Variants in CTNNB1 observed in about 807,000 individuals in gnomAD.
CTNNB1 encodes catenin beta-1.
Under a neutral mutation model 82.5 loss-of-function variants are expected in CTNNB1, and 6 were observed. That is an observed-to-expected ratio of 0.07 (90% CI 0.04 to 0.14). The LOEUF is 0.14. Ranked by LOEUF, CTNNB1 falls within the 10% of genes least tolerant of loss-of-function variation. The pLI is 1.00. For missense variants in CTNNB1, 529 were observed against 980.4 expected, an observed-to-expected ratio of 0.54 and a Z score of 6.15; for synonymous variants, 312 against 329.7, an observed-to-expected ratio of 0.95 and a Z score of 0.58.
At position 41,240,349 on chromosome 3, in the gene CTNNB1, T is replaced by G. The variant is rs2078554655; in HGVS notation, c.*1007T>G. 1 of 188,854 alleles carries G rather than the reference T, an allele frequency of 5.3e-6. No homozygotes were observed. The highest frequency in any genetic ancestry group is 1.9e-4 in the South Asian group (1 of 5,148). 11.7% of individuals were successfully genotyped at this position (188,854 alleles called of 1,614,324 possible). ...GTTTTGGACAGTTTACCAGTTGCCT[T>G]TTATCCCAAAGTTGTTGTAACCTGC... On this transcript the variant is annotated 3_prime_UTR_variant, in exon 15 of 15. Transcript: ENST00000349496.
At chr3:41,215,461 G>T (rs982512135) in intron 1 of CTNNB1, among the ~76,000 whole-genome samples, 1 of 145,116 alleles carries the variant, frequency 6.9e-6, no homozygotes, top group African/African-American at 2.5e-5. Flanking sequence ...ATTACATTTT[G>T]TGTGTTCTCC....
Position 41,233,860 on chromosome 3 carries a change from T to C in CTNNB1, c.1517T>C (p.Leu506Pro), listed in dbSNP as rs1382258029. 1.9e-6 allele frequency: 3 copies of C among 1,614,036 alleles called. No individual in the cohort carries two copies. Among genetic ancestry groups the C allele is most frequent in the Non-Finnish European group, 1.7e-6 (2 of 1,179,924 alleles). Residue 506 changes from leucine to proline, a missense_variant, in exon 9 of 15, where the codon CTG (leucine) becomes CCG (proline). Physicochemically the swap from Leu to Pro is moderately conservative, Grantham distance 98 (BLOSUM62 -3). Coordinates refer to ENST00000349496, the MANE Select transcript of CTNNB1 (RefSeq NM_001904.4). ...TTACACCCACCATCCCACTGGCCTC[T>C]GATAAAGGTAAATTGTCAAAGTAGA... ...KLLHPPSHWP[L>P]IKATVGLIRN...
chr3:41,227,759 G>C (rs1382182423), intron 7 of CTNNB1, among the ~76,000 whole-genome samples: 1 of 152,150 alleles, frequency 6.6e-6, no homozygotes, highest in African/African-American at 2.4e-5. Context: ...TAGGTTCCGG[G>C]TAATGTGCAG....
At position 41,239,718 on chromosome 3, in the gene CTNNB1, G is replaced by T; in HGVS notation, c.*376G>T. The T allele has an allele frequency of 2.7e-6, 1 of 369,732 alleles. No individual in the cohort carries two copies. The highest frequency in any genetic ancestry group is 3.4e-5 in the South Asian group (1 of 29,816). The allele number at this position is 369,732 out of a possible 1,614,324, so 22.9% of individuals were successfully genotyped here. A position where few individuals can be genotyped will look rare whatever the true frequency, so the allele number is the denominator to read the frequency against. ...GTAGAGTTGCTGAGAGGGCTCGAGG[G>T]GTGGGCTGGTATCTCAGAAAGTGCC... On this transcript the variant is annotated 3_prime_UTR_variant, in exon 15 of 15. Coordinates refer to ENST00000349496, the MANE Select transcript of CTNNB1 (RefSeq NM_001904.4).
rs374720804 is a variant in CTNNB1, at chr3:41,225,621, C to T, written c.735-39C>T. The T allele has an allele frequency of 9.3e-6, 15 of 1,613,704 alleles. No homozygotes were observed. In the African/African-American group the frequency reaches 9.3e-5, roughly 10 times the overall value. ...TGAAGCTAAAAAGTAGAAGAGTATA[C>T]TCACAATATTTCTGATGAGGCTTTT... On this transcript the variant is annotated intron_variant, in intron 5 of 14. Transcript: ENST00000349496. The surrounding 1 kb of genome is among the most constrained non-coding windows in gnomAD (Gnocchi z 5.3).
At chr3:41,227,942 T>TAC (rs764831875) in intron 7 of CTNNB1, among the ~76,000 whole-genome samples, 2 of 152,160 alleles carry the variant, frequency 1.3e-5, no homozygotes, top group Non-Finnish European at 2.9e-5. Flanking sequence ...ACTCAGTGTT[T>TAC]ACCTCCCACT....
intron 7 of CTNNB1, 73 bp downstream of exon 7, chr3:41,227,425 A>G (rs2125628819): frequency 6.6e-7 from 1 of 1,524,416 alleles, no homozygotes; most frequent in Non-Finnish European, 9.1e-7. Context: ...TTCTTAGGAA[A>G]AGGTGGTAGA....
intron 1 of CTNNB1, among the ~76,000 whole-genome samples, chr3:41,223,318 A>G (rs1232470407): frequency 6.6e-6 from 1 of 152,170 alleles, no homozygotes; most frequent in East Asian, 1.9e-4. Flanking sequence ...AAATTAGATG[A>G]TAAGATTTAT....
rs541033227 is a variant in CTNNB1 at position 41,215,527 on chromosome 3, T to C, written c.-48-8494T>C. Among the ~76,000 whole-genome samples the C allele has an allele frequency of 1.0e-3, 155 of 152,220 alleles. 1 individual carries two copies. Among genetic ancestry groups the C allele is most frequent in the African/African-American group, 3.4e-3 (142 of 41,526 alleles). ...TAGCACATTCAGTTCATCAGGTATT[T>C]AAGAGCTTAATATATGCCAAAGCAT... is the stretch of plus-strand genomic sequence containing the variant. On this transcript the variant is annotated intron_variant, in intron 1 of 14. Coordinates refer to ENST00000349496, the MANE Select transcript of CTNNB1 (RefSeq NM_001904.4).
chr3:41,224,947 T>G lies in CTNNB1; in HGVS notation c.242-7T>G. ...TGGATAGTGAGTGTTGAATTAACCT[T>G]TTCCAGATATTGATGGACAGTATGC... On this transcript the variant is annotated splice_polypyrimidine_tract_variant and splice_region_variant and intron_variant, in intron 3 of 14. Transcript: ENST00000349496. 6.2e-7 allele frequency: 1 copy of G among 1,614,052 alleles called. No individual in the cohort carries two copies. Among genetic ancestry groups the G allele is most frequent in the Non-Finnish European group, 8.5e-7 (1 of 1,179,944 alleles).
At position 41,224,035 on chromosome 3, in the gene CTNNB1, A is replaced by G; in HGVS notation, c.-34A>G. 1 of 1,611,584 alleles carries G rather than the reference A, an allele frequency of 6.2e-7. No homozygotes were observed. Among genetic ancestry groups the G allele is most frequent in the Non-Finnish European group, 8.5e-7 (1 of 1,177,752 alleles). ...ACTTTTTTTAGGGTATTTGAAGTAT[A>G]CCATACAACTGTTTTGAAAATCCAG... On this transcript the variant is annotated 5_prime_UTR_variant, in exon 2 of 15. The change creates a new upstream start codon in the 5' untranslated region. Coordinates refer to ENST00000349496, the MANE Select transcript of CTNNB1 (RefSeq NM_001904.4).
At chr3:41,232,177 GT>G (rs1206092487) in intron 7 of CTNNB1, among the ~76,000 whole-genome samples, 1 of 152,054 alleles carries the variant, frequency 6.6e-6, no homozygotes, top group East Asian at 1.9e-4. Flanking sequence ...GAATGTGTGT[GT>G]TTTAAAGTCT....
At chr3:41,208,597 T>A (rs1190909969) in intron 1 of CTNNB1, among the ~76,000 whole-genome samples, 5 of 152,196 alleles carry the variant, frequency 3.3e-5, no homozygotes, top group African/African-American at 1.2e-4. Context: ...TCTATACAGC[T>A]GAAGTTTCAT....
At chr3:41,224,459 ATTC>A in intron 2 of CTNNB1, 64 bp from the exon 3 acceptor site, 2 of 1,430,830 alleles carry the variant, frequency 1.4e-6, no homozygotes, top group East Asian at 2.4e-5. Context: ...CATATCACAG[ATTC>A]TTTTTTTTTA....
intron 7 of CTNNB1, among the ~76,000 whole-genome samples, chr3:41,228,325 C>T (rs2078226060): frequency 6.6e-6 from 1 of 152,170 alleles, no homozygotes; most frequent in African/African-American, 2.4e-5. Context: ...AACTAATTTA[C>T]TTTCCCACCA....
chr3:41,203,119 A>G (rs1385642979), intron 1 of CTNNB1, among the ~76,000 whole-genome samples: 1 of 151,020 alleles, frequency 6.6e-6, no homozygotes, highest in Non-Finnish European at 1.5e-5. Context: ...TCAAGCCTGA[A>G]GCAGCAGAGT....
chr3:41,211,563 A>C (rs753324781), intron 1 of CTNNB1, among the ~76,000 whole-genome samples: 1 of 152,052 alleles, frequency 6.6e-6, no homozygotes, highest in Non-Finnish European at 1.5e-5. Flanking sequence ...GTCTCTGTCT[A>C]TTGTATCTTT....
At chr3:41,230,937 A>G (rs895618639) in intron 7 of CTNNB1, among the ~76,000 whole-genome samples, 1 of 152,216 alleles carries the variant, frequency 6.6e-6, no homozygotes, top group East Asian at 1.9e-4. Context: ...GAATCTCATA[A>G]TGTTTAAGAA....
At chr3:41,237,446 C>CAAAAAAAAAAAAAAAAA (rs3038134) in intron 13 of CTNNB1, 1 of 65,258 alleles carries the variant, frequency 1.5e-5, no homozygotes, top group African/African-American at 6.6e-5. Context: ...GACTCCAACA[C>CAAAAAAAAAAAAAAAAA]AAAAAAAAAA....
Sources: gnomAD v4.1 joint callset for allele counts (sites outside exome capture counted in the v4.1 genomes callset) on GRCh38, gnomAD v4.1.1 for gene constraint, Gnocchi (gnomAD v3.1) non-coding constraint, MANE v1.5 for transcripts, NCBI Gene and HGNC (gene_info 2026-07-23, HGNC 2026-07-21) for gene names.